CWC27: variants seen among roughly 807,000 people sequenced by gnomAD.
The protein encoded by CWC27 is spliceosome-associated protein CWC27 homolog.
Under a neutral mutation model 63.6 loss-of-function variants are expected in CWC27, and 47 were observed. The ratio of observed to expected loss-of-function variants is 0.74; its 90% CI spans 0.58 to 0.94. The LOEUF is 0.94. Among genes scored for constraint, CWC27 ranks in the 40% least tolerant of loss-of-function variants. CWC27 has a pLI of 0.00. For missense variants in CWC27, 495 were observed against 554.3 expected (o/e 0.89, Z 1.07); for synonymous variants, 175 against 179.8 (o/e 0.97, Z 0.22).
intron 11 of CWC27, among the ~76,000 whole-genome samples, chr5:64,902,111 A>G: frequency 6.6e-6 from 1 of 152,242 alleles, no homozygotes; most frequent in East Asian, 1.9e-4. Context: ...ACACTCTAAA[A>G]TAACAATAAA....
intron 9 of CWC27, among the ~76,000 whole-genome samples, chr5:64,803,593 A>G (rs567592367): frequency 1.3e-5 from 2 of 152,300 alleles, no homozygotes; most frequent in South Asian, 4.1e-4. Flanking sequence ...TTGAGCAAAG[A>G]TCTGAAGGAG....
At chr5:64,882,207 CT>C (rs962540789) in intron 10 of CWC27, among the ~76,000 whole-genome samples, 1 of 152,126 alleles carries the variant, frequency 6.6e-6, no homozygotes, top group Non-Finnish European at 1.5e-5. Context: ...TACTTCAACA[CT>C]GATTCAATGA....
At chr5:64,779,341 A>G (rs759369756) in intron 2 of CWC27, among the ~76,000 whole-genome samples, 2 of 152,200 alleles carry the variant, frequency 1.3e-5, no homozygotes, top group African/African-American at 2.4e-5. Flanking sequence ...CTCAACCACA[A>G]CCTGCTTTGT....
chr5:64,833,175 A>C (rs1447521707), intron 10 of CWC27, among the ~76,000 whole-genome samples: 3 of 151,758 alleles, frequency 2.0e-5, no homozygotes, highest in East Asian at 1.9e-4. Flanking sequence ...ATACCCCCCC[A>C]CACAGATTTA....
chr5:64,965,141 G>A (rs976406527), intron 11 of CWC27, among the ~76,000 whole-genome samples: 4 of 152,038 alleles, frequency 2.6e-5, no homozygotes, highest in African/African-American at 4.8e-5. Flanking sequence ...AGAAGCTGTC[G>A]CTCTCTTTAG....
intron 2 of CWC27, among the ~76,000 whole-genome samples, chr5:64,777,735 C>G (rs977361952): frequency 6.6e-5 from 10 of 151,940 alleles, no homozygotes; most frequent in Admixed American, 5.9e-4. Flanking sequence ...TGTGATGATG[C>G]ATAAAAATTT....
intron 10 of CWC27, among the ~76,000 whole-genome samples, chr5:64,857,202 T>A (rs954911181): frequency 6.6e-6 from 1 of 152,206 alleles, no homozygotes; most frequent in South Asian, 2.1e-4. Flanking sequence ...TATTCATCAC[T>A]GCCTAATAAA....
chr5:64,842,067 T>A lies in CWC27; in HGVS notation c.938+37681T>A, dbSNP rs112822242. Among the ~76,000 whole-genome samples the A allele has an allele frequency of 4.0e-3, 613 of 152,310 alleles. 3 individuals carry two copies. Among genetic ancestry groups the A allele is most frequent in the African/African-American group, 0.014 (573 of 41,572 alleles). ...TACAGCCTGCCATCTATTTTTGAAA[T>A]GTTTTAATAGAATATAGCCATTCTT... is the stretch of plus-strand genomic sequence containing the variant. On this transcript the variant is annotated intron_variant, in intron 10 of 13. Transcript: ENST00000381070.
chr5:64,905,182 CAG>C (rs1747601760), intron 11 of CWC27, among the ~76,000 whole-genome samples: 1 of 115,384 alleles, frequency 8.7e-6, no homozygotes. Flanking sequence ...GCCTGGGCGA[CAG>C]AGCCACACTA....
intron 11 of CWC27, among the ~76,000 whole-genome samples, chr5:64,887,694 G>A (rs1020644599): frequency 5.3e-5 from 8 of 152,102 alleles, no homozygotes; most frequent in Non-Finnish European, 1.5e-5. Flanking sequence ...GCTATGTAGT[G>A]AGAAAGCTCA....
intron 10 of CWC27, among the ~76,000 whole-genome samples, chr5:64,840,401 ATATATATATATATATATATAT>A: frequency 1.8e-5 from 1 of 55,406 alleles, no homozygotes; most frequent in Non-Finnish European, 3.4e-5. Flanking sequence ...AAAAATATAT[ATATATATATATATATATATAT>A]ATATATATAC....
chr5:64,847,109 TA>T, intron 10 of CWC27, among the ~76,000 whole-genome samples: 1 of 152,102 alleles, frequency 6.6e-6, no homozygotes, highest in East Asian at 1.9e-4. Flanking sequence ...CTGAATGGAT[TA>T]AAAAACAAGA....
intron 11 of CWC27, among the ~76,000 whole-genome samples, chr5:64,886,230 T>G (rs1580703377): frequency 6.6e-6 from 1 of 152,154 alleles, no homozygotes; most frequent in African/African-American, 2.4e-5. Flanking sequence ...TGATCTTTAA[T>G]TTAGTTTAAA....
chr5:64,812,427 A>G (rs934632785), intron 10 of CWC27, among the ~76,000 whole-genome samples: 1 of 152,144 alleles, frequency 6.6e-6, no homozygotes, highest in East Asian at 1.9e-4. Flanking sequence ...TGAAGCAGAC[A>G]GTAAAAGAAA....
At chr5:64,931,965 G>A (rs937529415) in intron 11 of CWC27, among the ~76,000 whole-genome samples, 2 of 152,024 alleles carry the variant, frequency 1.3e-5, no homozygotes, top group African/African-American at 4.8e-5. Flanking sequence ...TTTGCAGAAA[G>A]CATCCTTGTA....
intron 11 of CWC27, among the ~76,000 whole-genome samples, chr5:64,914,782 T>G (rs918840828): frequency 6.6e-6 from 1 of 151,746 alleles, no homozygotes; most frequent in Non-Finnish European, 1.5e-5. Context: ...ATCAGACATA[T>G]GTGCACATGT....
At chr5:64,871,420 G>A (rs1397616668) in intron 10 of CWC27, among the ~76,000 whole-genome samples, 3 of 152,090 alleles carry the variant, frequency 2.0e-5, no homozygotes, top group Non-Finnish European at 2.9e-5. Flanking sequence ...TATGAGTTAT[G>A]AGCAGAAGGG....
Position 64,781,947 on chromosome 5 carries a change from A to G in CWC27, c.166A>G (p.Arg56Gly), listed in dbSNP as rs368825756. 1 of 1,590,094 alleles carries G rather than the reference A, an allele frequency of 6.3e-7. No homozygotes were observed. The highest frequency in any genetic ancestry group is 1.7e-5 in the Admixed American group (1 of 59,070). ...TTATTATGACAATACCATTTTTCAT[A>G]GAGTTGTGCCTGGTTTCATAGTCCA... Reference protein sequence around the residue: ...EAYYDNTIFHRVVPGFIVQGG... With the variant: ...EAYYDNTIFHGVVPGFIVQGG... The change falls in exon 3 of 14, where the codon AGA becomes GGA. Residue 56 changes from arginine (R) to glycine (G), a missense_variant. This residue lies in a region of CWC27 where 463 missense variants were observed against 498.1 expected (regional missense o/e 0.93). Coordinates refer to ENST00000381070, the MANE Select transcript of CWC27 (RefSeq NM_005869.4).
At chr5:65,007,323 G>A (rs1749865222) in intron 13 of CWC27, among the ~76,000 whole-genome samples, 1 of 152,180 alleles carries the variant, frequency 6.6e-6, no homozygotes, top group Non-Finnish European at 1.5e-5. Context: ...GTAGGCTAAG[G>A]AGGCATGACA....
Sources: gnomAD v4.1 joint callset for allele counts (sites outside exome capture counted in the v4.1 genomes callset) on GRCh38, gnomAD v4.1.1 for gene constraint, gnomAD v4.1.1 regional missense constraint, MANE v1.5 for transcripts, NCBI Gene and HGNC (gene_info 2026-07-23, HGNC 2026-07-21) for gene names.